OR13G1: variants seen among roughly 807,000 people sequenced by gnomAD.
The protein encoded by OR13G1 is olfactory receptor family 13 subfamily G member 1, also known as olfactory receptor 13G1.
For synonymous variants in OR13G1, 128 were observed against 136.2 expected, an observed-to-expected ratio of 0.94 and a Z score of 0.42; for missense variants, 369 against 385.7, an observed-to-expected ratio of 0.96 and a Z score of 0.36.
intron 1 of OR13G1, among the ~76,000 whole-genome samples, chr1:247,677,439 A>G (rs1019664230): frequency 6.6e-6 from 1 of 152,210 alleles, no homozygotes; most frequent in Non-Finnish European, 1.5e-5. Context: ...AGAGGGAGAC[A>G]GTATTTGTCC....
chr1:247,677,209 C>T (rs760623118), intron 1 of OR13G1, among the ~76,000 whole-genome samples: 2 of 152,094 alleles, frequency 1.3e-5, no homozygotes, highest in South Asian at 4.1e-4. Context: ...TGCCACTGCA[C>T]TGCAGCCTGG....
At chr1:247,673,361 AAT>A in intron 1 of OR13G1, 82 bp from the exon 2 acceptor site, 1 of 265,352 alleles carries the variant, frequency 3.8e-6, no homozygotes, top group Non-Finnish European at 6.8e-6. Flanking sequence ...AACTTGTCTA[AAT>A]ACACACACAC....
Position 247,672,818 on chromosome 1 carries a change from A to T in OR13G1, c.224T>A (p.Ile75Lys), listed in dbSNP as rs768475110. ...TAGCATGGTCCCCAGCATCTTCGGT[A>T]TGATGCTTGTTGTGCAGATGATGTC... is the stretch of plus-strand genomic sequence containing the variant. ...VVDIICTTSI[I>K]PKMLGTMLTS... The change falls in exon 2 of 2, where the codon ATA becomes AAA. Residue 75 changes from isoleucine (I) to lysine (K), a missense_variant. Coordinates refer to ENST00000642119, the MANE Select transcript of OR13G1 (RefSeq NM_001005487.2). The T allele has an allele frequency of 6.2e-7, 1 of 1,613,898 alleles. No homozygotes were observed. The highest frequency in any genetic ancestry group is 1.3e-5 in the African/African-American group (1 of 74,914).
chr1:247,677,872 A>G (rs1659380564), intron 1 of OR13G1, among the ~76,000 whole-genome samples: 1 of 152,184 alleles, frequency 6.6e-6, no homozygotes, highest in Admixed American at 6.5e-5. Context: ...TGGGAGGCCA[A>G]GACGGGCGCA....
chr1:247,676,494 T>C (rs1050821989), intron 1 of OR13G1, among the ~76,000 whole-genome samples: 1 of 151,600 alleles, frequency 6.6e-6, no homozygotes, highest in African/African-American at 2.4e-5. Flanking sequence ...GTGACTTTAT[T>C]CATTAAATAT....
chr1:247,672,801 T>TC lies in OR13G1; in HGVS notation c.240dup (p.Thr81AspfsTer28). Reference sequence around the variant, plus strand: ...ATGGTATTTTCTGATGTTAGCATGGTCCCCAGCATCTTCGGTATGATGCTT... The same window carrying TC: ...ATGGTATTTTCTGATGTTAGCATGGTCCCCCAGCATCTTCGGTATGATGCTT... On this transcript the variant is annotated frameshift_variant, in exon 2 of 2. Transcript: ENST00000642119. LOFTEE classifies it low-confidence loss of function (END_TRUNC). 6.2e-7 allele frequency: 1 copy of TC among 1,614,014 alleles called. No homozygotes were observed. Among genetic ancestry groups the TC allele is most frequent in the Non-Finnish European group, 8.5e-7 (1 of 1,179,996 alleles).
At chr1:247,673,605 T>C (rs1299751831) in intron 1 of OR13G1, among the ~76,000 whole-genome samples, 2 of 152,158 alleles carry the variant, frequency 1.3e-5, no homozygotes, top group African/African-American at 4.8e-5. Flanking sequence ...TTTGAGGCTG[T>C]ATATTCATGG....
Position 247,672,298 on chromosome 1 carries a change from G to A in OR13G1, c.744C>T (p.Tyr248=), listed in dbSNP as rs771440955. 5 of 1,613,728 alleles carry A rather than the reference G, an allele frequency of 3.1e-6. No individual in the cohort carries two copies. The highest frequency in any genetic ancestry group is 4.2e-6 in the Non-Finnish European group (5 of 1,179,950). The change falls in exon 2 of 2, where the codon TAC becomes TAT. Residue 248 remains tyrosine, a synonymous_variant. Coordinates refer to ENST00000642119, the MANE Select transcript of OR13G1 (RefSeq NM_001005487.2). ...TATAGGTGTAGATTACAGGAGAATA[G>A]TAAAGGGTCACCACTGTGAGATGAG... ...CSSHLTVVTL[Y]YSPVIYTYIR...
At chr1:247,679,418 A>T (rs1453785105) in intron 1 of OR13G1, among the ~76,000 whole-genome samples, 1 of 151,936 alleles carries the variant, frequency 6.6e-6, no homozygotes, top group Non-Finnish European at 1.5e-5. Flanking sequence ...TACTTGCATC[A>T]TCAGTATTTT....
chr1:247,671,450 A>G lies in OR13G1; in HGVS notation c.*668T>C, dbSNP rs1032153730. On this transcript the variant is annotated 3_prime_UTR_variant, in exon 2 of 2. Coordinates refer to ENST00000642119, the MANE Select transcript of OR13G1 (RefSeq NM_001005487.2). ...GACCCATTGAACCGCCATACACACTATTGACTGCCTGCCTAATGTCAGACT... is the reference window on the plus strand; with the variant it reads ...GACCCATTGAACCGCCATACACACTGTTGACTGCCTGCCTAATGTCAGACT... 1.3e-5 allele frequency: 2 copies of G among 152,468 alleles called. No individual in the cohort carries two copies. Among genetic ancestry groups the G allele is most frequent in the African/African-American group, 4.8e-5 (2 of 41,406 alleles). 9.4% of individuals were successfully genotyped at this position (152,468 alleles called of 1,614,324 possible).
Position 247,673,029 on chromosome 1 carries a change from C to T in OR13G1, c.13G>A (p.Val5Ile), listed in dbSNP as rs187793976. The T allele has an allele frequency of 5.0e-5, 81 of 1,608,464 alleles. No homozygotes were observed. In the East Asian group the frequency reaches 6.7e-4, roughly 13 times the overall value. ...CCCAGAATAATGAACTCAGTTACAA[C>T]GCTGTGATTCATCCTGCTTGGGTGA... is the stretch of plus-strand genomic sequence containing the variant. MNHS[V>I]VTEFIILGLT... The change falls in exon 2 of 2, where the codon GTT becomes ATT. Residue 5 changes from valine (V) to isoleucine (I), a missense_variant. By Grantham distance (29) the Val-to-Ile change is conservative. Coordinates refer to ENST00000642119, the MANE Select transcript of OR13G1 (RefSeq NM_001005487.2).
chr1:247,673,147 G>T lies in OR13G1; in HGVS notation c.-106C>A. The T allele has an allele frequency of 2.4e-6, 2 of 850,256 alleles. No homozygotes were observed. Among genetic ancestry groups the T allele is most frequent in the Non-Finnish European group, 3.7e-6 (2 of 547,414 alleles). 52.7% of individuals were successfully genotyped at this position (850,256 alleles called of 1,614,324 possible). On this transcript the variant is annotated 5_prime_UTR_variant, in exon 2 of 2. Coordinates refer to ENST00000642119, the MANE Select transcript of OR13G1 (RefSeq NM_001005487.2). ...AACATGAGGAGTGTGTGTACTTAGG[G>T]ACTTAATTCTTGATTGGACACAACT...
At chr1:247,678,417 G>C (rs911766667) in intron 1 of OR13G1, among the ~76,000 whole-genome samples, 2 of 152,104 alleles carry the variant, frequency 1.3e-5, no homozygotes, top group Non-Finnish European at 2.9e-5. Context: ...TGTTGTCTAA[G>C]GCAAGGTACT....
intron 1 of OR13G1, among the ~76,000 whole-genome samples, chr1:247,673,773 T>C (rs1379173406): frequency 6.6e-6 from 1 of 152,188 alleles, no homozygotes; most frequent in East Asian, 1.9e-4. Context: ...GATTTAAAAA[T>C]ATAAAATGTA....
Position 247,673,387 on chromosome 1 carries a change from TAC to T in OR13G1, c.-238-110_-238-109del, listed in dbSNP as rs560981771. The T allele has an allele frequency of 2.6e-5, 4 of 152,418 alleles. 1 individual carries two copies. Among genetic ancestry groups the T allele is most frequent in the African/African-American group, 7.7e-5 (3 of 39,048 alleles). The allele number at this position is 152,418 out of a possible 1,614,324, so 9.4% of individuals were successfully genotyped here. On this transcript the variant is annotated intron_variant, in intron 1 of 1. Transcript: ENST00000642119. ...ATACACACACACATATATATATATA[TAC>T]ACACACATATGTATATATTCTGGAT...
In OR13G1 at chr1:247,672,303, G is replaced by C. The variant is rs1163340883; in HGVS notation, c.739C>G (p.Leu247Val). 1.2e-6 allele frequency: 2 copies of C among 1,613,642 alleles called. No homozygotes were observed. Among genetic ancestry groups the C allele is most frequent in the Admixed American group, 3.3e-5 (2 of 59,962 alleles). ...GTGTAGATTACAGGAGAATAGTAAA[G>C]GGTCACCACTGTGAGATGAGATGAG... ...TCSSHLTVVT[L>V]YYSPVIYTYI... Residue 247 changes from leucine (L) to valine (V), a missense_variant, in exon 2 of 2, where the codon CTT becomes GTT. Coordinates refer to ENST00000642119, the MANE Select transcript of OR13G1 (RefSeq NM_001005487.2).
chr1:247,672,558 T>G lies in OR13G1; in HGVS notation c.484A>C (p.Arg162=). Reference sequence around the variant, plus strand: ...GTGTTTGGCCCACAGAAAGTCAACCTCATGATAAGAGCTGTGTGCACCCAG... The same window carrying G: ...GTGTTTGGCCCACAGAAAGTCAACCGCATGATAAGAGCTGTGTGCACCCAG... The part of the protein sequence containing the change: ...NSWVHTALIM[R]LTFCGPNTID... Residue 162 remains arginine, a synonymous_variant, in exon 2 of 2, where the codon AGG becomes CGG. Coordinates refer to ENST00000642119, the MANE Select transcript of OR13G1 (RefSeq NM_001005487.2). 1 of 1,614,054 alleles carries G rather than the reference T, an allele frequency of 6.2e-7. No homozygotes were observed. Among genetic ancestry groups the G allele is most frequent in the Non-Finnish European group, 8.5e-7 (1 of 1,180,016 alleles).
In OR13G1 at chr1:247,672,587, T is replaced by C. The variant is rs149404055; in HGVS notation, c.455A>G (p.Asn152Ser). Residue 152 changes from asparagine to serine, a missense_variant, in exon 2 of 2, where the codon AAT (asparagine) becomes AGT (serine). Transcript: ENST00000642119. The stretch of plus-strand genomic sequence containing the variant: ...GATAAGAGCTGTGTGCACCCAGGAA[T>C]TGGTGACTGCAATAGCCATGACCAT... ...LSMVMAIAVT[N>S]SWVHTALIMR... The C allele has an allele frequency of 8.1e-4, 1,311 of 1,614,014 alleles. 1 individual carries two copies. Among genetic ancestry groups the C allele is most frequent in the Non-Finnish European group, 1.1e-3 (1,249 of 1,179,960 alleles).
At chr1:247,679,475 C>T (rs181325303) in intron 1 of OR13G1, among the ~76,000 whole-genome samples, 165 bp downstream of exon 1, 29 of 140,018 alleles carry the variant, frequency 2.1e-4, no homozygotes, top group African/African-American at 7.2e-4. Flanking sequence ...AAAGTACAAT[C>T]CGCGGATGGA....
Sources: gnomAD v4.1 joint callset for allele counts (sites outside exome capture counted in the v4.1 genomes callset) on GRCh38, gnomAD v4.1.1 for gene constraint, MANE v1.5 for transcripts, NCBI Gene and HGNC (gene_info 2026-07-23, HGNC 2026-07-21) for gene names.